Variants in BMP5 observed in about 807,000 individuals in gnomAD.
BMP5 encodes the protein bone morphogenetic protein 5.
A neutral mutation model predicts 46.6 loss-of-function variants in BMP5; 23 were observed. The ratio of observed to expected loss-of-function variants is 0.49; its 90% CI spans 0.35 to 0.70. The LOEUF is 0.70. Ranked by LOEUF, BMP5 falls within the 30% of genes least tolerant of loss-of-function variation. The pLI, the probability that BMP5 is intolerant of heterozygous loss-of-function variation, is 0.00. For synonymous variants in BMP5, 204 were observed against 191.9 expected, an observed-to-expected ratio of 1.06 and a Z score of -0.52; for missense variants, 545 against 565.6, an observed-to-expected ratio of 0.96 and a Z score of 0.37.
chr6:55,801,067 ATTCACTT>A (rs1410919937), intron 2 of BMP5, among the ~76,000 whole-genome samples: 1 of 152,168 alleles, frequency 6.6e-6, no homozygotes, highest in Non-Finnish European at 1.5e-5. Flanking sequence ...TAATTCATTT[ATTCACTT>A]TTTCAATTTA....
At chr6:55,847,369 T>C (rs1777122329) in intron 1 of BMP5, among the ~76,000 whole-genome samples, 2 of 151,946 alleles carry the variant, frequency 1.3e-5, no homozygotes, top group Non-Finnish European at 2.9e-5. Context: ...ATGCAATGTG[T>C]CCTACTTACC....
chr6:55,783,635 T>C (rs896324041), intron 3 of BMP5, among the ~76,000 whole-genome samples: 4 of 152,068 alleles, frequency 2.6e-5, no homozygotes, highest in African/African-American at 4.8e-5. Context: ...GAGTCAACCC[T>C]AGTGTATGAT....
chr6:55,770,337 C>G (rs1252814590), intron 4 of BMP5, among the ~76,000 whole-genome samples: 1 of 151,918 alleles, frequency 6.6e-6, no homozygotes, highest in Non-Finnish European at 1.5e-5. Flanking sequence ...GAGACAGCTT[C>G]TTTCCTTAAA....
At chr6:55,813,694 G>A (rs1285949530) in intron 2 of BMP5, among the ~76,000 whole-genome samples, 1 of 151,752 alleles carries the variant, frequency 6.6e-6, no homozygotes, top group Non-Finnish European at 1.5e-5. Context: ...GGCTGAGGCA[G>A]GAGAACAGCG....
intron 1 of BMP5, among the ~76,000 whole-genome samples, chr6:55,857,243 T>A (rs1296522967): frequency 3.3e-5 from 5 of 152,202 alleles, no homozygotes. Flanking sequence ...GAATTTACAT[T>A]AGTAATTGTT....
intron 3 of BMP5, among the ~76,000 whole-genome samples, chr6:55,776,271 G>C (rs887579426): frequency 4.0e-5 from 6 of 151,884 alleles, no homozygotes; most frequent in African/African-American, 1.4e-4. Context: ...TATTAATTCA[G>C]CTCAGACTTC....
intron 1 of BMP5, among the ~76,000 whole-genome samples, chr6:55,850,376 A>AGATAGATAGATAGATAGATC (rs1207502270): frequency 2.8e-5 from 4 of 141,594 alleles, no homozygotes; most frequent in Admixed American, 6.8e-5. Flanking sequence ...ATAGATAGAT[A>AGATAGATAGATAGATAGATC]GATAGATAGA....
At position 55,860,775 on chromosome 6, in the gene BMP5, T is replaced by A. The variant is rs182672840; in HGVS notation, c.490+13601A>T. On this transcript the variant is annotated intron_variant, in intron 1 of 6. Transcript: ENST00000370830. ...TCATAATTCATTGTTTGGTTCCCTC[T>A]GTTTGGTATTGGGAGCTGAGGATAG... Among the ~76,000 whole-genome samples, 64 of 152,340 alleles carry A rather than the reference T, an allele frequency of 4.2e-4. 1 individual carries two copies. In the East Asian group the frequency reaches 8.5e-3, roughly 20 times the overall value.
At chr6:55,817,745 TATAATA>T (rs1450726436) in intron 2 of BMP5, among the ~76,000 whole-genome samples, 1 of 151,896 alleles carries the variant, frequency 6.6e-6, no homozygotes, top group East Asian at 1.9e-4. Context: ...AAACTTAAAG[TATAATA>T]ATAATAAAAT....
chr6:55,808,426 G>A (rs537271176), intron 2 of BMP5, among the ~76,000 whole-genome samples: 10 of 152,252 alleles, frequency 6.6e-5, no homozygotes, highest in South Asian at 6.2e-4. Flanking sequence ...TATCTGTCCC[G>A]GTGTTGGCTC....
chr6:55,794,720 C>A (rs1470657161), intron 2 of BMP5, among the ~76,000 whole-genome samples: 2 of 152,108 alleles, frequency 1.3e-5, no homozygotes, highest in Non-Finnish European at 1.5e-5. Flanking sequence ...CCCTGGTCAT[C>A]AGTGTTCCCG....
intron 1 of BMP5, among the ~76,000 whole-genome samples, chr6:55,870,448 A>T (rs550195379): frequency 1.1e-4 from 16 of 152,238 alleles, no homozygotes; most frequent in African/African-American, 3.6e-4. Flanking sequence ...CATTATTAGC[A>T]TTAGTTACTC....
rs538217092 is a variant in BMP5, at chr6:55,867,658, T to C, written c.490+6718A>G. ...GCTTAGAAGGGCCCTGCTCTTGGTG[T>C]AATACTCTGCTGCCACCATCTTGAA... On this transcript the variant is annotated intron_variant, in intron 1 of 6. Coordinates refer to ENST00000370830, the MANE Select transcript of BMP5 (RefSeq NM_021073.4). Among the ~76,000 whole-genome samples, 15 of 152,216 alleles carry C rather than the reference T, an allele frequency of 9.9e-5. No homozygotes were observed. The South Asian group carries it at 3.1e-3, about 32-fold the overall frequency.
intron 1 of BMP5, among the ~76,000 whole-genome samples, chr6:55,823,196 C>T (rs1223741797): frequency 6.6e-6 from 1 of 152,078 alleles, no homozygotes; most frequent in Non-Finnish European, 1.5e-5. Flanking sequence ...TACATAATGA[C>T]ATCCTACTGT....
intron 1 of BMP5, among the ~76,000 whole-genome samples, chr6:55,861,496 C>G (rs1347361920): frequency 6.6e-6 from 1 of 152,220 alleles, no homozygotes; most frequent in Non-Finnish European, 1.5e-5. Flanking sequence ...AAGTGGGAAT[C>G]AATAACACAG....
At chr6:55,823,531 T>C (rs989777357) in intron 1 of BMP5, among the ~76,000 whole-genome samples, 1 of 152,028 alleles carries the variant, frequency 6.6e-6, no homozygotes, top group Non-Finnish European at 1.5e-5. Context: ...ACTAGTTTTA[T>C]AACTTGTCAA....
At chr6:55,854,632 G>T (rs2127551327) in intron 1 of BMP5, among the ~76,000 whole-genome samples, 1 of 152,158 alleles carries the variant, frequency 6.6e-6, no homozygotes, top group Non-Finnish European at 1.5e-5. Context: ...GTATTGAAAT[G>T]ATTGGCTCTA....
intron 4 of BMP5, among the ~76,000 whole-genome samples, chr6:55,766,001 A>C (rs1252398658): frequency 6.6e-6 from 1 of 152,088 alleles, no homozygotes; most frequent in Non-Finnish European, 1.5e-5. Context: ...AATGTTCACT[A>C]TTTTTGTTAA....
At chr6:55,850,391 TAGATCG>T (rs1457401721) in intron 1 of BMP5, among the ~76,000 whole-genome samples, 4 of 132,838 alleles carry the variant, frequency 3.0e-5, no homozygotes, top group African/African-American at 1.4e-4. Context: ...GATAGATAGA[TAGATCG>T]ATAGATATAG....
Sources: allele counts gnomAD v4.1 joint callset (sites outside exome capture counted in the v4.1 genomes callset), GRCh38; gene constraint gnomAD v4.1.1; transcripts MANE v1.5; gene names NCBI Gene and HGNC (gene_info 2026-07-23, HGNC 2026-07-21).